Variants in WDR33 observed in about 807,000 individuals in gnomAD.
WDR33 encodes the protein WD repeat domain 33.
Under a neutral mutation model 164.9 loss-of-function variants are expected in WDR33, and 47 were observed. The ratio of observed to expected loss-of-function variants is 0.29; its 90% CI spans 0.23 to 0.36. The LOEUF is 0.36. WDR33 is among the 10% of genes least tolerant of loss of function. WDR33 has a pLI of 1.00. For synonymous variants in WDR33, 505 were observed against 589.0 expected, an observed-to-expected ratio of 0.86 and a Z score of 2.06; for missense variants, 1,137 against 1,754.1, an observed-to-expected ratio of 0.65 and a Z score of 6.28.
At chr2:127,808,898 C>T (rs773035162) in intron 1 of WDR33, among the ~76,000 whole-genome samples, 22 of 152,140 alleles carry the variant, frequency 1.4e-4, no homozygotes, top group Non-Finnish European at 2.4e-4. Context: ...GACGCGGTGG[C>T]GGGCGCCTAT....
chr2:127,733,669 A>G (rs1351387357), intron 7 of WDR33, among the ~76,000 whole-genome samples: 2 of 152,216 alleles, frequency 1.3e-5, no homozygotes, highest in African/African-American at 2.4e-5. Context: ...GGCTAAGAAT[A>G]TCAGACAGGA....
chr2:127,757,997 T>C (rs866013842), intron 7 of WDR33, among the ~76,000 whole-genome samples: 1 of 152,212 alleles, frequency 6.6e-6, no homozygotes, highest in Non-Finnish European at 1.5e-5. Context: ...TAAGTGTTCA[T>C]TTCCATTCCA....
At chr2:127,807,469 G>A (rs1689481200) in intron 1 of WDR33, among the ~76,000 whole-genome samples, 1 of 152,232 alleles carries the variant, frequency 6.6e-6, no homozygotes, top group South Asian at 2.1e-4. Context: ...CCCACTCAAG[G>A]ATCTGCTCAA....
chr2:127,760,460 A>G (rs1273233953), intron 7 of WDR33, among the ~76,000 whole-genome samples: 10 of 152,192 alleles, frequency 6.6e-5, no homozygotes, highest in Non-Finnish European at 1.5e-4. Flanking sequence ...GTTTTCTCTG[A>G]GTAGAGCTAA....
chr2:127,784,680 C>T (rs981411287), intron 1 of WDR33, among the ~76,000 whole-genome samples: 1 of 152,140 alleles, frequency 6.6e-6, no homozygotes, highest in Non-Finnish European at 1.5e-5. Context: ...TGTGCATAGC[C>T]TTGAAATTGT....
At chr2:127,785,611 T>C (rs1250716371) in intron 1 of WDR33, among the ~76,000 whole-genome samples, 2 of 152,230 alleles carry the variant, frequency 1.3e-5, no homozygotes, top group Non-Finnish European at 2.9e-5. Flanking sequence ...CTTAGCAATA[T>C]GCATTTAAGG....
intron 7 of WDR33, among the ~76,000 whole-genome samples, chr2:127,730,662 A>G (rs1686678934): frequency 6.8e-6 from 1 of 147,176 alleles, no homozygotes; most frequent in Non-Finnish European, 1.5e-5. Flanking sequence ...CAAACTATAC[A>G]TATACATACA....
intron 1 of WDR33, among the ~76,000 whole-genome samples, chr2:127,790,990 G>A (rs1365012583): frequency 1.3e-5 from 2 of 151,714 alleles, no homozygotes; most frequent in East Asian, 3.9e-4. Flanking sequence ...TTGTTCACTT[G>A]GGCCCCCTCC....
intron 7 of WDR33, among the ~76,000 whole-genome samples, chr2:127,761,523 T>A (rs989574866): frequency 6.6e-6 from 1 of 152,214 alleles, no homozygotes; most frequent in Admixed American, 6.5e-5. Context: ...TTTTAATAAA[T>A]AAAATTATTT....
intron 7 of WDR33, among the ~76,000 whole-genome samples, chr2:127,750,530 C>T (rs112663492): frequency 0.01 from 1,520 of 148,046 alleles, 10 homozygotes; most frequent in Non-Finnish European, 0.016. Context: ...GCCTATAATC[C>T]CAGCTACCCG....
intron 1 of WDR33, among the ~76,000 whole-genome samples, chr2:127,799,666 G>T (rs1205940835): frequency 1.3e-5 from 2 of 152,114 alleles, no homozygotes; most frequent in African/African-American, 4.8e-5. Flanking sequence ...ATGGTGGCAG[G>T]CACCTGTAAT....
intron 7 of WDR33, among the ~76,000 whole-genome samples, chr2:127,729,771 A>C (rs143907137): frequency 0.014 from 2,176 of 152,338 alleles, 66 homozygotes; most frequent in African/African-American, 0.051. Context: ...TTGGGATTAC[A>C]GGCGTGAGCC....
rs1685879052 is a variant in WDR33 at position 127,701,571 on chromosome 2, G to A, written c.*4752C>T. The A allele has an allele frequency of 7.3e-7, 1 of 1,366,278 alleles. No homozygotes were observed. The highest frequency in any genetic ancestry group is 9.4e-7 in the Non-Finnish European group (1 of 1,058,562). 84.6% of individuals were successfully genotyped at this position (1,366,278 alleles called of 1,614,324 possible). ...CCAGCTGCAGGAGTACCTGGCGCAG[G>A]GGAAAGCTGGCGGCCCGGCGGCCGC... On this transcript the variant is annotated 3_prime_UTR_variant, in exon 22 of 22. Transcript: ENST00000322313.
intron 1 of WDR33, among the ~76,000 whole-genome samples, chr2:127,804,606 T>C (rs1357282622): frequency 1.3e-5 from 2 of 152,152 alleles, no homozygotes; most frequent in Non-Finnish European, 2.9e-5. Context: ...ATGTTAAAAA[T>C]GGGTGAATCA....
rs1687766832 is a variant in WDR33 at position 127,764,585 on chromosome 2, C to T, written c.626+243G>A. 1.3e-6 allele frequency: 2 copies of T among 1,551,680 alleles called. No individual in the cohort carries two copies. Among genetic ancestry groups the T allele is most frequent in the Non-Finnish European group, 1.7e-6 (2 of 1,147,000 alleles). ...CATAAATGAAAAGAGAAAACCAGTG[C>T]AAAATGCGGCAGACAGTACATCTCT... On this transcript the variant is annotated intron_variant, in intron 6 of 21. Transcript: ENST00000322313. This position sits in a 1 kb window ranked among gnomAD's most constrained non-coding sequence, Gnocchi z 6.2.
At chr2:127,725,306 G>A in intron 8 of WDR33, 91 bp from the exon 9 acceptor site, 2 of 1,321,776 alleles carry the variant, frequency 1.5e-6, no homozygotes, top group Non-Finnish European at 2.0e-6. Context: ...TAATCAAGAT[G>A]GCAAGAGGTT....
At chr2:127,779,566 A>G (rs1303157867) in intron 1 of WDR33, among the ~76,000 whole-genome samples, 1 of 152,258 alleles carries the variant, frequency 6.6e-6, no homozygotes, top group Non-Finnish European at 1.5e-5. Context: ...GTGTATGCAT[A>G]CAGGGTCACA....
At chr2:127,799,999 A>G (rs908011021) in intron 1 of WDR33, among the ~76,000 whole-genome samples, 1 of 152,236 alleles carries the variant, frequency 6.6e-6, no homozygotes, top group African/African-American at 2.4e-5. Flanking sequence ...GAATGTGGAG[A>G]AACAGTAACC....
At position 127,738,357 on chromosome 2, in the gene WDR33, TA is replaced by T. The variant is rs966504427; in HGVS notation, c.725-11581del. ...ATACTGATATAAGCAAATAACTGAA[TA>T]AATAAGTGGAGAAGAGTGAAGTCTC... On this transcript the variant is annotated intron_variant, in intron 7 of 21. Coordinates refer to ENST00000322313, the MANE Select transcript of WDR33 (RefSeq NM_018383.5). The surrounding 1 kb of genome is among the most constrained non-coding windows in gnomAD (Gnocchi z 4.4). Among the ~76,000 whole-genome samples, 2 of 152,074 alleles carry T rather than the reference TA, an allele frequency of 1.3e-5. No homozygotes were observed. The highest frequency in any genetic ancestry group is 4.8e-5 in the African/African-American group (2 of 41,422).
Sources: gnomAD v4.1 joint callset for allele counts (sites outside exome capture counted in the v4.1 genomes callset) on GRCh38, gnomAD v4.1.1 for gene constraint, Gnocchi (gnomAD v3.1) non-coding constraint, MANE v1.5 for transcripts, NCBI Gene and HGNC (gene_info 2026-07-23, HGNC 2026-07-21) for gene names.